LRR1: variants seen among roughly 807,000 people sequenced by gnomAD.
The protein encoded by LRR1 is leucine-rich repeat protein 1.
Under a neutral mutation model 31.6 loss-of-function variants are expected in LRR1, and 29 were observed. That is an observed-to-expected ratio of 0.92 (90% CI 0.68 to 1.25). The LOEUF (loss-of-function observed/expected upper bound fraction) is 1.25. Among genes scored for constraint, LRR1 ranks in the 50% most tolerant of loss-of-function variants. LRR1 has a pLI of 0.00. For missense variants in LRR1, 485 were observed against 487.2 expected (o/e 1.00, Z 0.04); for synonymous variants, 179 against 181.4 (o/e 0.99, Z 0.10).
intron 3 of LRR1, among the ~76,000 whole-genome samples, chr14:49,613,657 C>CA (rs200601316): frequency 3.5e-5 from 5 of 144,640 alleles, no homozygotes; most frequent in Non-Finnish European, 6.1e-5. Context: ...AAATACAATG[C>CA]AAAAAAAAAT....
In LRR1 at chr14:49,614,573, AG is replaced by A; in HGVS notation, c.*78del. 6.4e-7 allele frequency: 1 copy of A among 1,571,808 alleles called. No homozygotes were observed. The highest frequency in any genetic ancestry group is 8.7e-7 in the Non-Finnish European group (1 of 1,147,194). ...GTATGATTTTGCAGCGTCAAATTGGAGTAAGGGAAGATTTCTGTATACTTGC... is the reference window on the plus strand; with the variant it reads ...GTATGATTTTGCAGCGTCAAATTGGATAAGGGAAGATTTCTGTATACTTGC... On this transcript the variant is annotated 3_prime_UTR_variant, in exon 4 of 4. Coordinates refer to ENST00000298288, the MANE Select transcript of LRR1 (RefSeq NM_152329.4).
intron 3 of LRR1, among the ~76,000 whole-genome samples, chr14:49,608,863 G>A (rs1882396494): frequency 7.2e-6 from 1 of 138,610 alleles, no homozygotes; most frequent in Admixed American, 7.2e-5. Flanking sequence ...ACTTGGATTT[G>A]ATTCCTGGCT....
Position 49,611,688 on chromosome 14 carries a change from C to T in LRR1, c.1005-2568C>T, listed in dbSNP as rs574274549. Among the ~76,000 whole-genome samples, 7 of 152,118 alleles carry T rather than the reference C, an allele frequency of 4.6e-5. No individual in the cohort carries two copies. The South Asian group carries it at 1.2e-3, about 27-fold the overall frequency. On this transcript the variant is annotated intron_variant, in intron 3 of 3. Transcript: ENST00000298288. ...CTGTAATCCCAGCACTTTGGGAGGT[C>T]GAGGTGGGTGGATCACTTGAGGCCA...
In LRR1 at chr14:49,614,324, T is replaced by C. The variant is rs1233541688; in HGVS notation, c.1073T>C (p.Val358Ala). The C allele has an allele frequency of 3.7e-6, 6 of 1,613,838 alleles. No individual in the cohort carries two copies. Among genetic ancestry groups the C allele is most frequent in the Admixed American group, 1.7e-5 (1 of 59,998 alleles). Reference sequence around the variant, plus strand: ...GATTTGGATACCGCAAAAATTTGTGTTTGTGGAAGATTCTGTCTGAACTCT... The same window carrying C: ...GATTTGGATACCGCAAAAATTTGTGCTTGTGGAAGATTCTGTCTGAACTCT... ...CQDLDTAKIC[V>A]CGRFCLNSFI... Residue 358 changes from valine (V) to alanine (A), a missense_variant, in exon 4 of 4, where the codon GTT (valine) becomes GCT (alanine). Physicochemically the swap from Val to Ala is moderately conservative, Grantham distance 64. Coordinates refer to ENST00000298288, the MANE Select transcript of LRR1 (RefSeq NM_152329.4).
chr14:49,602,531 G>C, intron 2 of LRR1, 63 bp downstream of exon 2: 1 of 1,402,550 alleles, frequency 7.1e-7, no homozygotes, highest in East Asian at 2.4e-5. Flanking sequence ...TTTAGAAACA[G>C]AGTCTTGTTC....
chr14:49,608,406 A>ATTTTTTTTTTTTTTTTT (rs71408651), intron 3 of LRR1, among the ~76,000 whole-genome samples: 9 of 21,098 alleles, frequency 4.3e-4, no homozygotes, highest in Admixed American at 5.7e-4. Flanking sequence ...ACATTGCTTG[A>ATTTTTTTTTTTTTTTTT]TTTTTTTTTT....
intron 3 of LRR1, among the ~76,000 whole-genome samples, chr14:49,608,901 T>TTTTC (rs1882399673): frequency 5.7e-5 from 1 of 17,406 alleles, no homozygotes; most frequent in African/African-American, 1.9e-4. Context: ...TTTAACCTCT[T>TTTTC]TTTTTTTTTT....
chr14:49,600,585 G>A (rs1018785208), intron 1 of LRR1: 3 of 1,570,370 alleles, frequency 1.9e-6, no homozygotes, highest in Non-Finnish European at 2.6e-6. Context: ...ATAGGATCAA[G>A]ATGTATAAAC....
chr14:49,600,071 C>T, intron 1 of LRR1: 5 of 1,603,258 alleles, frequency 3.1e-6, no homozygotes, highest in Non-Finnish European at 4.3e-6. Context: ...CGTGCCTACT[C>T]ATGAGCTGTG....
chr14:49,606,782 A>C (rs550695222), intron 2 of LRR1, among the ~76,000 whole-genome samples: 1 of 147,776 alleles, frequency 6.8e-6, no homozygotes, highest in South Asian at 2.2e-4. Flanking sequence ...TCAGCCTCCA[A>C]AGTAGCTGGG....
chr14:49,611,500 A>G (rs1026769502), intron 3 of LRR1, among the ~76,000 whole-genome samples: 2 of 152,224 alleles, frequency 1.3e-5, no homozygotes, highest in Non-Finnish European at 2.9e-5. Context: ...TTAATTAAAT[A>G]AAATCACCAG....
At chr14:49,601,263 T>C in intron 1 of LRR1, 1 of 1,149,214 alleles carries the variant, frequency 8.7e-7, no homozygotes, top group Non-Finnish European at 1.2e-6. Flanking sequence ...TGCCTTGTCT[T>C]GATATTTGTT....
intron 3 of LRR1, among the ~76,000 whole-genome samples, chr14:49,613,263 C>T (rs1181230299): frequency 3.3e-5 from 5 of 150,520 alleles, no homozygotes; most frequent in East Asian, 1.9e-4. Context: ...GGCATGAACC[C>T]GGGAGGCGGA....
At chr14:49,613,160 AAACC>A (rs2139555735) in intron 3 of LRR1, among the ~76,000 whole-genome samples, 2 of 152,148 alleles carry the variant, frequency 1.3e-5, no homozygotes, top group East Asian at 3.9e-4. Flanking sequence ...TAACATGGTG[AAACC>A]CTGCCTCTAC....
chr14:49,599,880 C>A, intron 1 of LRR1: 1 of 597,754 alleles, frequency 1.7e-6, no homozygotes. Context: ...GGCGGCCCCG[C>A]GGCGTGGAGC....
Position 49,603,462 on chromosome 14 carries a change from GA to G in LRR1, c.282+1000del, listed in dbSNP as rs1329890597. 30 of 305,978 alleles carry G rather than the reference GA, an allele frequency of 9.8e-5. No homozygotes were observed. The South Asian group carries it at 2.1e-3, about 21-fold the overall frequency. The allele number at this position is 305,978 out of a possible 1,614,324, so 19.0% of individuals were successfully genotyped here. ...ATCTAAGTTTGTTGTAATAAAAGAGGAAAAAATTCAATTAGAACCATCTTGT... is the reference window on the plus strand; with the variant it reads ...ATCTAAGTTTGTTGTAATAAAAGAGGAAAAATTCAATTAGAACCATCTTGT... On this transcript the variant is annotated intron_variant, in intron 2 of 3. Transcript: ENST00000298288.
At chr14:49,603,532 T>C (rs1409047662) in intron 2 of LRR1, 995 of 232,228 alleles carry the variant, frequency 4.3e-3, no homozygotes, top group African/African-American at 0.013. Context: ...TCTTTTTTTT[T>C]TTTTTTTTTT....
At chr14:49,614,070 G>A (rs914942855) in intron 3 of LRR1, among the ~76,000 whole-genome samples, 186 bp from the exon 4 acceptor site, 6 of 152,128 alleles carry the variant, frequency 3.9e-5, no homozygotes, top group African/African-American at 1.2e-4. Context: ...AAGTGGTTGT[G>A]CTGGAAGATA....
chr14:49,610,418 T>A (rs1882470068), intron 3 of LRR1, among the ~76,000 whole-genome samples: 1 of 151,340 alleles, frequency 6.6e-6, no homozygotes, highest in Non-Finnish European at 1.5e-5. Flanking sequence ...CACGGCTGGC[T>A]ATTTTTTTGT....
Sources: allele counts gnomAD v4.1 joint callset (sites outside exome capture counted in the v4.1 genomes callset), GRCh38; gene constraint gnomAD v4.1.1; transcripts MANE v1.5; gene names NCBI Gene and HGNC (gene_info 2026-07-23, HGNC 2026-07-21).